AP1B1: variants seen among roughly 807,000 people sequenced by gnomAD.
AP1B1 encodes the protein adaptor related protein complex 1 subunit beta 1.
AP1B1 carries 36 observed loss-of-function variants against 104.3 expected under a neutral mutation model. The observed-to-expected ratio is 0.35, with a 90% CI of 0.26 to 0.46. AP1B1 has a LOEUF of 0.46. AP1B1 is among the 20% of genes least tolerant of loss of function. AP1B1 has a pLI of 1.00. For missense variants in AP1B1, 901 were observed against 1,247.9 expected (o/e 0.72, Z 4.19); for synonymous variants, 504 against 517.5 (o/e 0.97, Z 0.35).
chr22:29,351,598 A>C (rs2061875450), intron 8 of AP1B1, 107 bp downstream of exon 8: 1 of 1,440,988 alleles, frequency 6.9e-7, no homozygotes, highest in Non-Finnish European at 9.4e-7. Context: ...TCTTCATGAG[A>C]TAAACCGTTA....
chr22:29,388,398 G>C (rs1378820185), intron 1 of AP1B1, 26 bp downstream of exon 1: 1 of 152,494 alleles, frequency 6.6e-6, no homozygotes, highest in African/African-American at 2.4e-5. Flanking sequence ...TCTTCTCCTG[G>C]CTCGCCCGGG....
intron 1 of AP1B1, among the ~76,000 whole-genome samples, chr22:29,368,742 C>T (rs1256521049): frequency 6.8e-6 from 1 of 146,198 alleles, no homozygotes; most frequent in Non-Finnish European, 1.5e-5. Context: ...CTGATAGTGG[C>T]TAAAGGATTC....
chr22:29,350,270 T>A (rs909973953), intron 9 of AP1B1, 120 bp from the exon 10 acceptor site: 1 of 698,988 alleles, frequency 1.4e-6, no homozygotes, highest in Non-Finnish European at 2.5e-6. Flanking sequence ...CTCATCACAG[T>A]GGGAAAACAG....
intron 17 of AP1B1, among the ~76,000 whole-genome samples, chr22:29,332,910 G>C (rs1260311905): frequency 7.9e-5 from 12 of 152,234 alleles, no homozygotes; most frequent in Non-Finnish European, 1.5e-4. Flanking sequence ...TACTAAAAAG[G>C]GGTGATGGCA....
rs571235166 is a variant in AP1B1, at chr22:29,330,866, C to G, written c.2525-157G>C. On this transcript the variant is annotated intron_variant, in intron 19 of 22. Coordinates refer to ENST00000357586, the MANE Select transcript of AP1B1 (RefSeq NM_001127.4). ...CAGCCCTCCTGCTTCCCTAAGCACA[C>G]CCTCCGCTCTGTGAGGGAGGCCCCA... Among the ~76,000 whole-genome samples, 366 of 152,236 alleles carry G rather than the reference C, an allele frequency of 2.4e-3. 1 individual carries two copies. The highest frequency in any genetic ancestry group is 4.1e-3 in the Non-Finnish European group (276 of 67,992).
At chr22:29,333,319 G>C (rs1286264591) in intron 17 of AP1B1, 1 of 154,516 alleles carries the variant, frequency 6.5e-6, no homozygotes, top group Non-Finnish European at 1.5e-5. Flanking sequence ...CTGACACCCA[G>C]TGTAGCGGAC....
intron 1 of AP1B1, among the ~76,000 whole-genome samples, chr22:29,386,223 A>C (rs1436383873): frequency 6.6e-6 from 1 of 152,328 alleles, no homozygotes; most frequent in East Asian, 1.9e-4. Flanking sequence ...AACTGAGGTA[A>C]AGGAGGGCCA....
intron 16 of AP1B1, among the ~76,000 whole-genome samples, chr22:29,337,737 T>C (rs2061658118): frequency 6.6e-6 from 1 of 152,128 alleles, no homozygotes; most frequent in Non-Finnish European, 1.5e-5. Context: ...TCAACTCTCC[T>C]TCCCTCAGCC....
rs139777542 is a variant in AP1B1, at chr22:29,356,801, G to A, written c.526-185C>T. ...ACCCTGCTGACTCCTCTGCAAACTG[G>A]AACAAAACAAGTGTGCCTGCCATTT... On this transcript the variant is annotated intron_variant, in intron 5 of 22. Coordinates refer to ENST00000357586, the MANE Select transcript of AP1B1 (RefSeq NM_001127.4). 2.0e-5 allele frequency among the ~76,000 whole-genome samples: 3 copies of A among 152,314 alleles called. No homozygotes were observed. The East Asian group carries it at 5.8e-4, about 29-fold the overall frequency.
intron 1 of AP1B1, among the ~76,000 whole-genome samples, chr22:29,369,652 C>G (rs1015982132): frequency 1.3e-5 from 2 of 152,148 alleles, no homozygotes; most frequent in African/African-American, 2.4e-5. Flanking sequence ...TCACAGCTCC[C>G]GTTCGCCCTC....
intron 22 of AP1B1, 134 bp from the exon 23 acceptor site, chr22:29,329,029 G>C (rs956055602): frequency 3.3e-5 from 48 of 1,471,170 alleles, no homozygotes; most frequent in Non-Finnish European, 4.1e-5. Context: ...AGCTGCGCCT[G>C]GCACAGATGT....
rs1253952718 is a variant in AP1B1 at position 29,328,859 on chromosome 22, G to C, written c.2812C>G (p.His938Asp). ...ATGGTCTCGTAGGCCTGGTACACGT[G>C]CTGGGACACCTCTGGTGCTCGACAC... is the stretch of plus-strand genomic sequence containing the variant. The part of the protein sequence containing the change: ...LKCRAPEVSQ[H>D]VYQAYETILK... The change falls in exon 23 of 23, where the codon CAC becomes GAC. Residue 938 changes from histidine (H) to aspartate (D), a missense_variant. By Grantham distance (81) the His-to-Asp change is moderately conservative. This residue lies in a region of AP1B1 where 424 missense variants were observed against 494.0 expected (regional missense o/e 0.86). Transcript: ENST00000357586. The surrounding 1 kb of genome is among the most constrained non-coding windows in gnomAD (Gnocchi z 4.1). 1.9e-6 allele frequency: 3 copies of C among 1,609,540 alleles called. No individual in the cohort carries two copies. The highest frequency in any genetic ancestry group is 2.5e-6 in the Non-Finnish European group (3 of 1,179,218).
At position 29,328,275 on chromosome 22, in the gene AP1B1, G is replaced by C. The variant is rs1229439904; in HGVS notation, c.*546C>G. 6.5e-6 allele frequency: 1 copy of C among 153,292 alleles called. No homozygotes were observed. Among genetic ancestry groups the C allele is most frequent in the African/African-American group, 2.4e-5 (1 of 41,446 alleles). 9.5% of individuals were successfully genotyped at this position (153,292 alleles called of 1,614,324 possible). A position where few individuals can be genotyped will look rare whatever the true frequency, so the allele number is the denominator to read the frequency against. ...CTGGTGGTTGCAAGTGGGTGGTGCA[G>C]GCCCTGGGCTCCTCCCAGCCTAGCT... On this transcript the variant is annotated 3_prime_UTR_variant, in exon 23 of 23. Coordinates refer to ENST00000357586, the MANE Select transcript of AP1B1 (RefSeq NM_001127.4). This position sits in a 1 kb window ranked among gnomAD's most constrained non-coding sequence, Gnocchi z 4.1.
chr22:29,372,732 T>C (rs1252592865), intron 1 of AP1B1, among the ~76,000 whole-genome samples: 2 of 152,182 alleles, frequency 1.3e-5, no homozygotes, highest in Non-Finnish European at 2.9e-5. Context: ...TGTCTTCATA[T>C]ATCTAAATAT....
rs1025002398 is a variant in AP1B1 at position 29,351,571 on chromosome 22, T to C, written c.1059+134A>G. The C allele has an allele frequency of 1.3e-5, 16 of 1,216,434 alleles. No homozygotes were observed. The African/African-American group carries it at 2.0e-4, about 15-fold the overall frequency. The allele number at this position is 1,216,434 out of a possible 1,614,324, so 75.4% of individuals were successfully genotyped here. Reference sequence around the variant, plus strand: ...TCTTTTACTTGCTTACGAAGCCCCATGTCCCATGCTAAACACTCTTCATGA... The same window carrying C: ...TCTTTTACTTGCTTACGAAGCCCCACGTCCCATGCTAAACACTCTTCATGA... On this transcript the variant is annotated intron_variant, in intron 8 of 22. Coordinates refer to ENST00000357586, the MANE Select transcript of AP1B1 (RefSeq NM_001127.4).
chr22:29,334,981 C>A (rs574315359), intron 16 of AP1B1, among the ~76,000 whole-genome samples: 1 of 152,340 alleles, frequency 6.6e-6, no homozygotes, highest in South Asian at 2.1e-4. Context: ...TCATTCAAGT[C>A]TCAGCTCAAG....
chr22:29,379,753 A>C (rs1448677823), intron 1 of AP1B1, among the ~76,000 whole-genome samples: 2 of 152,214 alleles, frequency 1.3e-5, no homozygotes, highest in East Asian at 3.8e-4. Flanking sequence ...TCAGATTTAG[A>C]GAGGCAAGAG....
chr22:29,367,955 C>G (rs943557177), intron 1 of AP1B1, among the ~76,000 whole-genome samples: 1 of 152,134 alleles, frequency 6.6e-6, no homozygotes, highest in African/African-American at 2.4e-5. Context: ...TTCTTAAAGG[C>G]TCTCTCAGGA....
At position 29,351,243 on chromosome 22, in the gene AP1B1, G is replaced by A. The variant is rs371955281; in HGVS notation, c.1083C>T (p.Tyr361=). The change falls in exon 9 of 23, where the codon TAC becomes TAT. Residue 361 remains tyrosine (Y), a synonymous_variant. Coordinates refer to ENST00000357586, the MANE Select transcript of AP1B1 (RefSeq NM_001127.4). The part of the protein sequence containing the change: ...IAQVLAELKE[Y]ATEVDVDFVR... ...CAAAGTCCACATCCACTTCTGTTGC[G>A]TACTCTTTCAGCTCTGCCAACACCT... 92 of 1,614,172 alleles carry A rather than the reference G, an allele frequency of 5.7e-5. No individual in the cohort carries two copies. Among genetic ancestry groups the A allele is most frequent in the East Asian group, 2.7e-4 (12 of 44,880 alleles).
Sources: allele counts gnomAD v4.1 joint callset (sites outside exome capture counted in the v4.1 genomes callset), GRCh38; gene constraint gnomAD v4.1.1; regional missense constraint gnomAD v4.1.1; non-coding constraint Gnocchi (gnomAD v3.1); transcripts MANE v1.5; gene names NCBI Gene and HGNC (gene_info 2026-07-23, HGNC 2026-07-21).